Variants in TMEM132C observed in about 807,000 individuals in gnomAD.
The protein encoded by TMEM132C is transmembrane protein 132C, also known as protein phosphatase 1, regulatory subunit 152.
In TMEM132C, 29 loss-of-function variants were observed where a neutral mutation model predicts 61.4. The ratio of observed to expected loss-of-function variants is 0.47; its 90% CI spans 0.35 to 0.64. The LOEUF is 0.64. Ranked by LOEUF, TMEM132C falls within the 30% of genes least tolerant of loss-of-function variation. The pLI, the probability that TMEM132C is intolerant of heterozygous loss-of-function variation, is 0.00. For synonymous variants in TMEM132C, 656 were observed against 633.1 expected (o/e 1.04, Z -0.54); for missense variants, 1,408 against 1,476.9 (o/e 0.95, Z 0.76).
intron 2 of TMEM132C, among the ~76,000 whole-genome samples, chr12:128,457,032 A>G (rs1457297378): frequency 6.6e-6 from 1 of 152,174 alleles, no homozygotes; most frequent in South Asian, 2.1e-4. Context: ...TGAATACACT[A>G]TGATTTGCTT....
At chr12:128,642,051 C>T (rs1954162005) in intron 4 of TMEM132C, among the ~76,000 whole-genome samples, 1 of 151,588 alleles carries the variant, frequency 6.6e-6, no homozygotes, top group Non-Finnish European at 1.5e-5. Flanking sequence ...TCAAGTGATC[C>T]ACCTGCCTCC....
intron 1 of TMEM132C, among the ~76,000 whole-genome samples, chr12:128,387,682 G>A: frequency 6.6e-6 from 1 of 151,936 alleles, no homozygotes; most frequent in Admixed American, 6.6e-5. Flanking sequence ...TGGTGGTGGG[G>A]GCCTGTAATC....
chr12:128,421,615 C>T (rs889756233), intron 2 of TMEM132C, among the ~76,000 whole-genome samples: 16 of 152,174 alleles, frequency 1.1e-4, no homozygotes, highest in Non-Finnish European at 1.8e-4. Flanking sequence ...CTTCCGTGAG[C>T]CAAAAGAAGC....
At chr12:128,441,106 T>C (rs1274278007) in intron 2 of TMEM132C, among the ~76,000 whole-genome samples, 1 of 152,242 alleles carries the variant, frequency 6.6e-6, no homozygotes, top group Non-Finnish European at 1.5e-5. Flanking sequence ...CCCTAGTTGC[T>C]AACACTGTTC....
At chr12:128,291,415 A>G (rs955516052) in intron 1 of TMEM132C, among the ~76,000 whole-genome samples, 1 of 152,156 alleles carries the variant, frequency 6.6e-6, no homozygotes, top group African/African-American at 2.4e-5. Flanking sequence ...TTTCCCCTGG[A>G]TGGGCTGATA....
At chr12:128,525,290 A>G (rs1460221343) in intron 2 of TMEM132C, among the ~76,000 whole-genome samples, 1 of 151,666 alleles carries the variant, frequency 6.6e-6, no homozygotes, top group Non-Finnish European at 1.5e-5. Flanking sequence ...TTCAGGAACA[A>G]AGCCCTTTGA....
At chr12:128,495,427 A>G (rs1476658090) in intron 2 of TMEM132C, among the ~76,000 whole-genome samples, 1 of 152,076 alleles carries the variant, frequency 6.6e-6, no homozygotes, top group African/African-American at 2.4e-5. Context: ...TCTAATGTTG[A>G]CAGTGGGGTG....
intron 2 of TMEM132C, among the ~76,000 whole-genome samples, chr12:128,417,588 C>T (rs2136024118): frequency 6.6e-6 from 1 of 152,304 alleles, no homozygotes; most frequent in African/African-American, 2.4e-5. Flanking sequence ...TAACTAACCT[C>T]TGTGTGCCTC....
chr12:128,406,197 C>A (rs1875337001), intron 1 of TMEM132C, among the ~76,000 whole-genome samples: 1 of 152,176 alleles, frequency 6.6e-6, no homozygotes, highest in Non-Finnish European at 1.5e-5. Context: ...TTCTGCCTTC[C>A]AGCAAATGGT....
intron 2 of TMEM132C, among the ~76,000 whole-genome samples, chr12:128,500,022 T>G: frequency 6.6e-6 from 1 of 152,224 alleles, no homozygotes; most frequent in East Asian, 1.9e-4. Context: ...GAAGGTTCCC[T>G]TTCTCGGCAT....
rs188962701 is a variant in TMEM132C at position 128,634,598 on chromosome 12, G to C, written c.1305+18263G>C. On this transcript the variant is annotated intron_variant, in intron 4 of 8. Transcript: ENST00000435159. ...CTTTATCAGAAAATACATGATGCCT[G>C]CTATGTGAGTGACACCTCCTGAGAT... Among the ~76,000 whole-genome samples the C allele has an allele frequency of 1.1e-3, 162 of 152,346 alleles. 1 individual carries two copies. The highest frequency in any genetic ancestry group is 0.011 in the Admixed American group (162 of 15,300).
chr12:128,544,030 G>A lies in TMEM132C; in HGVS notation c.1048G>A (p.Glu350Lys), dbSNP rs999828971. 3 of 1,548,570 alleles carry A rather than the reference G, an allele frequency of 1.9e-6. No homozygotes were observed. Among genetic ancestry groups the A allele is most frequent in the African/African-American group, 2.7e-5 (2 of 72,958 alleles). Reference sequence around the variant, plus strand: ...GCCCCGGCAGTGGGGCGTCAAGCAGGAGGTGGGCAGCGGCGGAAAGCACGT... The same window carrying A: ...GCCCCGGCAGTGGGGCGTCAAGCAGAAGGTGGGCAGCGGCGGAAAGCACGT... ...REPRQWGVKQ[E>K]VGSGGKHVTA... Residue 350 changes from glutamate (E) to lysine (K), a missense_variant, in exon 3 of 9, where the codon GAG becomes AAG. Physicochemically the swap from Glu to Lys is moderately conservative, Grantham distance 56 (BLOSUM62 1). Transcript: ENST00000435159.
intron 3 of TMEM132C, among the ~76,000 whole-genome samples, chr12:128,603,429 C>T (rs1174206595): frequency 6.6e-6 from 1 of 152,156 alleles, no homozygotes; most frequent in Non-Finnish European, 1.5e-5. Flanking sequence ...GGAATGAGAG[C>T]ACAGGAAACT....
chr12:128,393,687 G>A (rs1874843232), intron 1 of TMEM132C, among the ~76,000 whole-genome samples: 2 of 150,928 alleles, frequency 1.3e-5, no homozygotes, highest in Non-Finnish European at 1.5e-5. Flanking sequence ...TGCCAAGGGG[G>A]ACCCAGTTCC....
chr12:128,452,975 A>C (rs1870226871), intron 2 of TMEM132C, among the ~76,000 whole-genome samples: 1 of 152,210 alleles, frequency 6.6e-6, no homozygotes, highest in South Asian at 2.1e-4. Context: ...CATTATGTAA[A>C]CTACAGAAAT....
At chr12:128,268,564 TG>T (rs1870397807) in intron 1 of TMEM132C, among the ~76,000 whole-genome samples, 1 of 151,964 alleles carries the variant, frequency 6.6e-6, no homozygotes, top group Non-Finnish European at 1.5e-5. Context: ...GGTGCGCACA[TG>T]GGTGCCCTGA....
intron 2 of TMEM132C, among the ~76,000 whole-genome samples, chr12:128,421,768 C>T (rs80180391): frequency 0.059 from 9,007 of 151,948 alleles, 906 homozygotes; most frequent in African/African-American, 0.2. Context: ...TTTTGGAAGC[C>T]GATTTTAAAA....
At chr12:128,456,027 A>G (rs1870327500) in intron 2 of TMEM132C, among the ~76,000 whole-genome samples, 1 of 152,146 alleles carries the variant, frequency 6.6e-6, no homozygotes, top group African/African-American at 2.4e-5. Flanking sequence ...GCTTTGCTCT[A>G]TTTGGAGTAA....
At chr12:128,377,494 A>C (rs569119142) in intron 1 of TMEM132C, among the ~76,000 whole-genome samples, 10 of 152,302 alleles carry the variant, frequency 6.6e-5, no homozygotes, top group African/African-American at 1.2e-4. Flanking sequence ...GACCCATTAG[A>C]AGGAGATGAG....
Sources: gnomAD v4.1 joint callset for allele counts (sites outside exome capture counted in the v4.1 genomes callset) on GRCh38, gnomAD v4.1.1 for gene constraint, MANE v1.5 for transcripts, NCBI Gene and HGNC (gene_info 2026-07-23, HGNC 2026-07-21) for gene names.